Variants in SMYD3 observed in about 807,000 individuals in gnomAD.
SMYD3 encodes histone-lysine N-methyltransferase SMYD3.
A neutral mutation model predicts 57.7 loss-of-function variants in SMYD3; 36 were observed. That is an observed-to-expected ratio of 0.62 (90% CI 0.48 to 0.82). SMYD3 has a LOEUF of 0.82. Among genes scored for constraint, SMYD3 ranks in the 40% least tolerant of loss-of-function variants. SMYD3 has a pLI of 0.00. For synonymous variants in SMYD3, 211 were observed against 195.0 expected (o/e 1.08, Z -0.68); for missense variants, 515 against 538.8 (o/e 0.96, Z 0.44).
chr1:246,268,979 A>T (rs1162224304), intron 5 of SMYD3, among the ~76,000 whole-genome samples: 1 of 152,194 alleles, frequency 6.6e-6, no homozygotes, highest in African/African-American at 2.4e-5. Context: ...GTAGCTGAAG[A>T]GTAAAAAGTT....
At chr1:245,969,873 T>A (rs1026583335) in intron 5 of SMYD3, among the ~76,000 whole-genome samples, 13 of 152,246 alleles carry the variant, frequency 8.5e-5, no homozygotes, top group Non-Finnish European at 1.9e-4. Context: ...CTAAAAAGTA[T>A]TATTTTTGTT....
chr1:245,927,077 C>T (rs2056423234), intron 7 of SMYD3, among the ~76,000 whole-genome samples: 1 of 152,196 alleles, frequency 6.6e-6, no homozygotes, highest in Admixed American at 6.5e-5. Context: ...CTGAGTGCTG[C>T]ATAAATGCAA....
chr1:245,788,258 C>T (rs2047129018), intron 10 of SMYD3, among the ~76,000 whole-genome samples: 1 of 151,874 alleles, frequency 6.6e-6, no homozygotes, highest in Non-Finnish European at 1.5e-5. Context: ...GCACAGGGAA[C>T]AGGGCAAGAA....
chr1:246,260,548 T>G (rs1192232846), intron 5 of SMYD3, among the ~76,000 whole-genome samples: 1 of 152,038 alleles, frequency 6.6e-6, no homozygotes, highest in Non-Finnish European at 1.5e-5. Flanking sequence ...CCTCCCAAGT[T>G]CAAGCGATTC....
intron 7 of SMYD3, among the ~76,000 whole-genome samples, chr1:245,926,854 C>T (rs541434303): frequency 2.6e-5 from 4 of 152,056 alleles, no homozygotes; most frequent in Non-Finnish European, 4.4e-5. Flanking sequence ...AAGTCCTTTG[C>T]GGCCCCAGAA....
intron 8 of SMYD3, among the ~76,000 whole-genome samples, chr1:245,913,917 A>G (rs1481048500): frequency 6.6e-6 from 1 of 152,242 alleles, no homozygotes; most frequent in Non-Finnish European, 1.5e-5. Flanking sequence ...ATGAGGTGTC[A>G]TCTCACCCCA....
At chr1:246,506,504 TC>T (rs886295562) in intron 1 of SMYD3, among the ~76,000 whole-genome samples, 2 of 152,044 alleles carry the variant, frequency 1.3e-5, no homozygotes, top group African/African-American at 4.8e-5. Context: ...TTTGAGGAGG[TC>T]CCGTTCCTCT....
At chr1:245,993,768 A>C (rs1417894930) in intron 5 of SMYD3, among the ~76,000 whole-genome samples, 1 of 152,128 alleles carries the variant, frequency 6.6e-6, no homozygotes, top group Non-Finnish European at 1.5e-5. Context: ...GTTAAAATTT[A>C]ATGGGCATTG....
chr1:246,276,335 T>C (rs1279252882), intron 5 of SMYD3, among the ~76,000 whole-genome samples: 2 of 125,244 alleles, frequency 1.6e-5, no homozygotes, highest in Non-Finnish European at 3.4e-5. Context: ...ATGCCCATGT[T>C]TGAATACTAA....
At chr1:246,097,741 A>G (rs1282653546) in intron 5 of SMYD3, among the ~76,000 whole-genome samples, 1 of 152,004 alleles carries the variant, frequency 6.6e-6, no homozygotes, top group Non-Finnish European at 1.5e-5. Flanking sequence ...CCTGCTACCT[A>G]TCATATCAAT....
At chr1:246,054,009 A>G (rs1419766030) in intron 5 of SMYD3, among the ~76,000 whole-genome samples, 2 of 152,232 alleles carry the variant, frequency 1.3e-5, no homozygotes, top group African/African-American at 4.8e-5. Context: ...TAAGGAGATA[A>G]TATTTGCAAT....
At chr1:246,485,429 A>G (rs981729369) in intron 1 of SMYD3, among the ~76,000 whole-genome samples, 1 of 152,226 alleles carries the variant, frequency 6.6e-6, no homozygotes, top group Non-Finnish European at 1.5e-5. Flanking sequence ...AGCATCACAG[A>G]ATGTATAATT....
intron 5 of SMYD3, among the ~76,000 whole-genome samples, chr1:246,172,030 T>G (rs866145961): frequency 1.3e-5 from 2 of 152,158 alleles, no homozygotes; most frequent in African/African-American, 4.8e-5. Context: ...AAGAAAGTTA[T>G]GAAAGATAAA....
intron 1 of SMYD3, among the ~76,000 whole-genome samples, chr1:246,424,426 A>C (rs1345291900): frequency 1.3e-5 from 2 of 152,126 alleles, no homozygotes; most frequent in African/African-American, 4.8e-5. Context: ...AAATTAAAAA[A>C]ATAAATAAAT....
intron 1 of SMYD3, among the ~76,000 whole-genome samples, chr1:246,453,060 T>C (rs931131293): frequency 1.3e-5 from 2 of 152,258 alleles, no homozygotes; most frequent in African/African-American, 4.8e-5. Context: ...CAGATACTGT[T>C]CTGAACACTT....
chr1:246,243,243 C>CAT (rs1446181605), intron 5 of SMYD3, among the ~76,000 whole-genome samples: 1 of 151,814 alleles, frequency 6.6e-6, no homozygotes, highest in Non-Finnish European at 1.5e-5. Context: ...TTAAATGCTG[C>CAT]ATATGAGAAA....
chr1:245,984,413 T>G (rs1419167988), intron 5 of SMYD3, among the ~76,000 whole-genome samples: 3 of 152,178 alleles, frequency 2.0e-5, no homozygotes, highest in Non-Finnish European at 4.4e-5. Context: ...ACAAATCTAT[T>G]TGTGCCTGCG....
intron 1 of SMYD3, among the ~76,000 whole-genome samples, chr1:246,457,330 C>T (rs961815776): frequency 4.1e-4 from 63 of 151,884 alleles, no homozygotes; most frequent in African/African-American, 1.4e-3. Context: ...TCAGGAGTTC[C>T]AGACCAGCCT....
chr1:246,347,807 G>A (rs931783925), intron 2 of SMYD3, among the ~76,000 whole-genome samples: 5 of 151,888 alleles, frequency 3.3e-5, no homozygotes, highest in African/African-American at 7.3e-5. Flanking sequence ...ACAAATTTCC[G>A]CTCTTCACTT....
Sources: gnomAD v4.1 joint callset for allele counts (sites outside exome capture counted in the v4.1 genomes callset) on GRCh38, gnomAD v4.1.1 for gene constraint, MANE v1.5 for transcripts, NCBI Gene and HGNC (gene_info 2026-07-23, HGNC 2026-07-21) for gene names.